Variants in KIAA1210 observed in about 807,000 individuals in gnomAD.
The protein encoded by KIAA1210 is KIAA1210, also known as acrosomal protein KIAA1210.
A neutral mutation model predicts 78.9 loss-of-function variants in KIAA1210; 48 were observed. The observed-to-expected ratio is 0.61, with a 90% confidence interval of 0.48 to 0.77. The LOEUF (loss-of-function observed/expected upper bound fraction) is 0.77, where lower values mean the gene tolerates loss of function less well. Ranked by LOEUF, KIAA1210 falls within the 30% of genes least tolerant of loss-of-function variation. KIAA1210 has a pLI of 0.00. For missense variants in KIAA1210, 1,108 were observed against 1,100.0 expected (o/e 1.01, Z -0.10); for synonymous variants, 406 against 404.5 (o/e 1.00, Z -0.04).
In KIAA1210 at chrX:119,088,074, T is replaced by C; in HGVS notation, c.2628A>G (p.Arg876=). 8.3e-7 allele frequency: 1 copy of C among 1,211,300 alleles called. No homozygotes were observed. Residue 876 remains arginine (R), a synonymous_variant, in exon 9 of 12, where the codon AGA becomes AGG. Coordinates refer to ENST00000691062, the MANE Select transcript of KIAA1210 (RefSeq NM_001394962.1). ...EGTYVEPLPP[R]CLSQPSERPK... ...GCCTCTCCGAGGGCTGGGAAAGGCA[T>C]CTGGGAGGCAGCGGTTCCACATAAG...
At chrX:119,128,023 C>G (rs899225080), upstream of KIAA1210, among the ~76,000 whole-genome samples, 2 of 111,413 alleles carry the variant, frequency 1.8e-5, no homozygotes, top group Admixed American at 9.6e-5. Context: ...AGGGCTCTGT[C>G]CTTGGCTCTC....
At chrX:119,131,809 C>A (rs1459504716), upstream of KIAA1210, among the ~76,000 whole-genome samples, 1 of 112,362 alleles carries the variant, frequency 8.9e-6, no homozygotes, top group African/African-American at 3.2e-5. Flanking sequence ...GGCACAGTGG[C>A]TCACGCCTAT....
At position 119,117,996 on chromosome X, in the gene KIAA1210, C is replaced by A. The variant is rs147565234; in HGVS notation, c.62-1332G>T. 1.3e-3 allele frequency among the ~76,000 whole-genome samples: 148 copies of A among 111,636 alleles called. 2 individuals are homozygous for A. In the East Asian group the frequency reaches 0.04, roughly 30 times the overall value. On this transcript the variant is annotated intron_variant, in intron 2 of 11. Transcript: ENST00000691062. Reference sequence around the variant, plus strand: ...GAGAAGGGGGAGAGGGCTCGTGCTGCATTCTTCAAAGGGAAGGAATTAGCT... The same window carrying A: ...GAGAAGGGGGAGAGGGCTCGTGCTGAATTCTTCAAAGGGAAGGAATTAGCT...
chrX:119,100,711 C>T (rs953897631), intron 6 of KIAA1210, among the ~76,000 whole-genome samples: 2 of 111,691 alleles, frequency 1.8e-5, no homozygotes, highest in African/African-American at 6.5e-5. Context: ...AATTTGTCAT[C>T]CCTCACCCTC....
rs747107972 is a variant in KIAA1210, at chrX:119,103,996, A to T, written c.648+996T>A. On this transcript the variant is annotated intron_variant, in intron 6 of 11. Coordinates refer to ENST00000691062, the MANE Select transcript of KIAA1210 (RefSeq NM_001394962.1). ...TAGGAACGGGGTTTCCATTTTGGAG[A>T]ACCAAACAGGTTCTGGACCTTGATA... 1.6e-3 allele frequency among the ~76,000 whole-genome samples: 179 copies of T among 112,263 alleles called. 2 individuals are homozygous for T. The highest frequency in any genetic ancestry group is 4.6e-3 in the Middle Eastern group (1 of 218).
chrX:119,112,044 C>T (rs1404973359), intron 3 of KIAA1210, among the ~76,000 whole-genome samples: 1 of 111,099 alleles, frequency 9.0e-6, no homozygotes, highest in Non-Finnish European at 1.9e-5. Flanking sequence ...CCATGCTGTT[C>T]TCGTGATAGT....
chrX:119,093,580 A>C, intron 8 of KIAA1210, 87 bp downstream of exon 8: 1 of 608,234 alleles, frequency 1.6e-6, no homozygotes, highest in Non-Finnish European at 2.5e-6. Flanking sequence ...AGTCTTGGGT[A>C]GTTCTTGGGT....
At chrX:119,131,747 C>T (rs1272099937), upstream of KIAA1210, among the ~76,000 whole-genome samples, 1 of 111,940 alleles carries the variant, frequency 8.9e-6, no homozygotes, top group Admixed American at 9.4e-5. Flanking sequence ...CCTCTAGTAG[C>T]TGAGAGAACC....
At chrX:119,125,190 C>T (rs1928590448) in intron 1 of KIAA1210, among the ~76,000 whole-genome samples, 1 of 111,219 alleles carries the variant, frequency 9.0e-6, no homozygotes, top group African/African-American at 3.3e-5. Flanking sequence ...TGTCAAAATC[C>T]TTAATTTGGA....
chrX:119,108,794 T>C (rs1258651741), intron 4 of KIAA1210, among the ~76,000 whole-genome samples: 1 of 105,826 alleles, frequency 9.4e-6, no homozygotes, highest in Non-Finnish European at 1.9e-5. Flanking sequence ...CAGTGAGCCA[T>C]GATCATGCCA....
chrX:119,131,813 C>T (rs5957118), upstream of KIAA1210, among the ~76,000 whole-genome samples: 2,013 of 112,260 alleles, frequency 0.018, 48 homozygotes, highest in African/African-American at 0.061. Flanking sequence ...CAGTGGCTCA[C>T]GCCTATAATC....
Position 119,088,435 on chromosome X carries a change from A to T in KIAA1210, c.2267T>A (p.Val756Glu), listed in dbSNP as rs1357641239. The T allele has an allele frequency of 6.6e-6, 8 of 1,211,413 alleles. No individual in the cohort carries two copies. Among genetic ancestry groups the T allele is most frequent in the Middle Eastern group, 2.3e-4 (1 of 4,353 alleles). The change falls in exon 9 of 12, where the codon GTG becomes GAG. Residue 756 changes from valine to glutamate, a missense_variant. By Grantham distance (121) the Val-to-Glu change is moderately radical (BLOSUM62 -2). Around this residue, in one of 5 missense-constraint regions of KIAA1210, gnomAD observed 672 missense variants for 607.1 expected, o/e 1.11. Coordinates refer to ENST00000691062, the MANE Select transcript of KIAA1210 (RefSeq NM_001394962.1). ...TVQQQVPTSS[V>E]GTSIKQSDSV... ...ATCGCTCTGTTTTATAGAAGTGCCC[A>T]CTGAACTGGTGGGGACTTGTTGCTG...
At chrX:119,097,872 T>C (rs984324301) in intron 6 of KIAA1210, among the ~76,000 whole-genome samples, 17 of 111,971 alleles carry the variant, frequency 1.5e-4, no homozygotes, top group Admixed American at 1.5e-3. Flanking sequence ...AAAGTAGGAT[T>C]GATCCCAAGA....
chrX:119,144,637 T>C (rs989169126), intron 2 of KIAA1210, among the ~76,000 whole-genome samples: 231 of 111,406 alleles, frequency 2.1e-3, no homozygotes, highest in African/African-American at 7.2e-3. Flanking sequence ...CCAGGGGAGG[T>C]CTTCTTTTTA....
chrX:119,128,496 C>T (rs1437800422), upstream of KIAA1210, among the ~76,000 whole-genome samples: 1 of 108,154 alleles, frequency 9.2e-6, no homozygotes, highest in Non-Finnish European at 1.9e-5. Context: ...ATCTCAGGAT[C>T]TTTGCATTTG....
At position 119,086,943 on chromosome X, in the gene KIAA1210, A is replaced by G; in HGVS notation, c.3759T>C (p.Pro1253=). The G allele has an allele frequency of 8.3e-7, 1 of 1,211,602 alleles. No individual in the cohort carries two copies. The highest frequency in any genetic ancestry group is 1.7e-5 in the African/African-American group (1 of 57,806). ...TGACAGGAGCAATGGTGAACTTCCC[A>G]GGTTTGGTAGCAGGGGCTGGAATGC... ...IKSIPAPATK[P]GKFTIAPVRQ... Residue 1253 remains proline, a synonymous_variant, in exon 9 of 12, where the codon CCT becomes CCC. Transcript: ENST00000691062.
intron 6 of KIAA1210, among the ~76,000 whole-genome samples, chrX:119,100,333 A>G (rs1297788117): frequency 1.9e-5 from 2 of 104,962 alleles, no homozygotes; most frequent in Non-Finnish European, 3.9e-5. Context: ...GTCTTTAAAA[A>G]AAAAAAAAAA....
intron 6 of KIAA1210, among the ~76,000 whole-genome samples, chrX:119,100,328 T>TAAA (rs35969490): frequency 2.6e-4 from 12 of 46,519 alleles, no homozygotes; most frequent in African/African-American, 9.6e-4. Context: ...AGACTGTCTT[T>TAAA]AAAAAAAAAA....
At chrX:119,095,035 G>C (rs1490575823) in intron 7 of KIAA1210, among the ~76,000 whole-genome samples, 3 of 111,729 alleles carry the variant, frequency 2.7e-5, no homozygotes, top group Non-Finnish European at 5.6e-5. Context: ...CTGCCGCCCT[G>C]CTCCTCCACC....
Sources: gnomAD v4.1 joint callset for allele counts (sites outside exome capture counted in the v4.1 genomes callset) on GRCh38, gnomAD v4.1.1 for gene constraint, gnomAD v4.1.1 regional missense constraint, MANE v1.5 for transcripts, NCBI Gene and HGNC (gene_info 2026-07-23, HGNC 2026-07-21) for gene names.